The following PRKAR2B variants were observed in gnomAD, a reference collection of about 807,000 sequenced individuals.
The protein encoded by PRKAR2B is cAMP-dependent protein kinase type II-beta regulatory subunit.
PRKAR2B carries 14 observed loss-of-function variants against 49.9 expected under a neutral mutation model. The observed-to-expected ratio is 0.28, with a 90% CI of 0.19 to 0.44. PRKAR2B has a LOEUF of 0.44. Ranked by LOEUF, PRKAR2B falls within the 20% of genes least tolerant of loss-of-function variation. The pLI, the probability that PRKAR2B is intolerant of heterozygous loss-of-function variation, is 1.00. For missense variants in PRKAR2B, 393 were observed against 537.9 expected, an observed-to-expected ratio of 0.73 and a Z score of 2.67; for synonymous variants, 196 against 197.7, an observed-to-expected ratio of 0.99 and a Z score of 0.07.
intron 2 of PRKAR2B, among the ~76,000 whole-genome samples, chr7:107,108,530 C>T (rs1795118241): frequency 6.6e-6 from 1 of 152,178 alleles, no homozygotes; most frequent in African/African-American, 2.4e-5. Flanking sequence ...CTTCTTGGTT[C>T]ACCCAAAAAG....
chr7:107,129,102 A>G (rs1231249625), intron 4 of PRKAR2B: 1 of 152,232 alleles, frequency 6.6e-6, no homozygotes, highest in Non-Finnish European at 1.5e-5. Flanking sequence ...GAGAAGCATT[A>G]AATCAATACC....
chr7:107,142,793 T>C (rs776007902), intron 5 of PRKAR2B, among the ~76,000 whole-genome samples: 11 of 152,114 alleles, frequency 7.2e-5, no homozygotes, highest in Middle Eastern at 3.4e-3. Context: ...TAAACAGTCT[T>C]GCTCTGTTGC....
rs1203521712 is a variant in PRKAR2B at position 107,119,928 on chromosome 7, G to A, written c.344-2024G>A. Among the ~76,000 whole-genome samples, 5 of 152,170 alleles carry A rather than the reference G, an allele frequency of 3.3e-5. No individual in the cohort carries two copies. In the East Asian group the frequency reaches 5.8e-4, roughly 18 times the overall value. On this transcript the variant is annotated intron_variant, in intron 2 of 10. Transcript: ENST00000265717. Reference sequence around the variant, plus strand: ...GAAGGCTGAAGTCCAGGAATTACGCGGGTAAATTCACCAAAGCAGTCATGT... The same window carrying A: ...GAAGGCTGAAGTCCAGGAATTACGCAGGTAAATTCACCAAAGCAGTCATGT...
intron 1 of PRKAR2B, among the ~76,000 whole-genome samples, chr7:107,046,476 A>G (rs1793696467): frequency 6.6e-6 from 1 of 152,240 alleles, no homozygotes; most frequent in Admixed American, 6.5e-5. Context: ...AGTTTCTCCA[A>G]AAGAATCCCA....
rs143475769 is a variant in PRKAR2B, at chr7:107,126,607, C to A, written c.397-1605C>A. On this transcript the variant is annotated intron_variant, in intron 3 of 10. Transcript: ENST00000265717. ...ATGCCTGATGCACTCTCCTCTCCCC[C>A]CTTTCCTTTCTGAGAACAGCTTCTC... Among the ~76,000 whole-genome samples, 13 of 152,116 alleles carry A rather than the reference C, an allele frequency of 8.5e-5. No individual in the cohort carries two copies. In the East Asian group the frequency reaches 1.4e-3, roughly 16 times the overall value.
At chr7:107,104,130 C>T (rs1185235939) in intron 2 of PRKAR2B, among the ~76,000 whole-genome samples, 2 of 152,206 alleles carry the variant, frequency 1.3e-5, no homozygotes, top group Non-Finnish European at 2.9e-5. Flanking sequence ...CTCCTGGGCT[C>T]AAGCAGTTCT....
chr7:107,086,954 A>G (rs1037871587), intron 2 of PRKAR2B, among the ~76,000 whole-genome samples: 11 of 152,192 alleles, frequency 7.2e-5, no homozygotes, highest in African/African-American at 2.7e-4. Context: ...TTTAACACAA[A>G]TTAAAACACT....
At chr7:107,078,211 A>AG (rs1554364703) in intron 2 of PRKAR2B, 4 of 152,326 alleles carry the variant, frequency 2.6e-5, no homozygotes, top group South Asian at 2.1e-4. Context: ...CAAAAAAAAA[A>AG]AAAAAAGAAA....
At position 107,157,171 on chromosome 7, in the gene PRKAR2B, TA is replaced by T; in HGVS notation, c.985-13del. On this transcript the variant is annotated splice_polypyrimidine_tract_variant and intron_variant, in intron 9 of 10. Coordinates refer to ENST00000265717, the MANE Select transcript of PRKAR2B (RefSeq NM_002736.3). ...TAAGCTGAGGAAAAGCTCATCTTTT[TA>T]ATTGCCTTGTCAGGGTAAATCAGAA... 1 of 1,608,672 alleles carries T rather than the reference TA, an allele frequency of 6.2e-7. No individual in the cohort carries two copies. The highest frequency in any genetic ancestry group is 8.5e-7 in the Non-Finnish European group (1 of 1,177,408).
chr7:107,057,515 A>C (rs1485000635), intron 1 of PRKAR2B, among the ~76,000 whole-genome samples: 2 of 152,238 alleles, frequency 1.3e-5, no homozygotes, highest in Non-Finnish European at 1.5e-5. Context: ...TTTAAGAGTA[A>C]TTATGTGAAA....
intron 1 of PRKAR2B, among the ~76,000 whole-genome samples, chr7:107,052,918 C>T (rs1448957295): frequency 6.6e-6 from 1 of 152,186 alleles, no homozygotes; most frequent in Non-Finnish European, 1.5e-5. Flanking sequence ...GCAGCCTCTG[C>T]CTCTGGGTTC....
At chr7:107,092,277 C>CTG (rs34049788) in intron 2 of PRKAR2B, among the ~76,000 whole-genome samples, 13,412 of 146,018 alleles carry the variant, frequency 0.092, 646 homozygotes, top group Middle Eastern at 0.16. Flanking sequence ...GTGCGTGTGT[C>CTG]TGTGTGTGTG....
chr7:107,062,251 A>C (rs1794040225), intron 1 of PRKAR2B, among the ~76,000 whole-genome samples: 1 of 152,232 alleles, frequency 6.6e-6, no homozygotes, highest in African/African-American at 2.4e-5. Flanking sequence ...TATTGTAAAC[A>C]AAATGAAAAG....
chr7:107,059,305 A>G (rs1235099528), intron 1 of PRKAR2B, among the ~76,000 whole-genome samples: 1 of 152,094 alleles, frequency 6.6e-6, no homozygotes, highest in African/African-American at 2.4e-5. Flanking sequence ...TTCTTTTAAA[A>G]TATACCACAT....
In PRKAR2B at chr7:107,045,080, G is replaced by C; in HGVS notation, c.173G>C (p.Trp58Ser). The stretch of plus-strand genomic sequence containing the variant: ...CGCTTCGGCCATGAGGGCAGGACCT[G>C]GGGGGACCTGGGCGCCGCTGCCGGG... ...TARFGHEGRT[W>S]GDLGAAAGGG... The change falls in exon 1 of 11, where the codon TGG (tryptophan) becomes TCG (serine). Residue 58 changes from tryptophan to serine, a missense_variant. Around this residue, in one of 2 missense-constraint regions of PRKAR2B, gnomAD observed 160 missense variants for 147.6 expected, o/e 1.08. Coordinates refer to ENST00000265717, the MANE Select transcript of PRKAR2B (RefSeq NM_002736.3). 2.6e-6 allele frequency: 4 copies of C among 1,535,702 alleles called. No individual in the cohort carries two copies. Among genetic ancestry groups the C allele is most frequent in the Non-Finnish European group, 3.5e-6 (4 of 1,144,650 alleles).
chr7:107,121,223 T>C (rs973179112), intron 2 of PRKAR2B, among the ~76,000 whole-genome samples: 1 of 151,962 alleles, frequency 6.6e-6, no homozygotes, highest in East Asian at 1.9e-4. Context: ...CAAATAACTT[T>C]GGGAATAATG....
chr7:107,151,548 A>G (rs1795987949), intron 7 of PRKAR2B, among the ~76,000 whole-genome samples: 2 of 152,330 alleles, frequency 1.3e-5, no homozygotes, highest in Admixed American at 6.5e-5. Flanking sequence ...CTATGGGGTT[A>G]CCTTACGAAT....
rs537215191 is a variant in PRKAR2B at position 107,075,882 on chromosome 7, A to G, written c.343+5566A>G. On this transcript the variant is annotated intron_variant, in intron 2 of 10. Coordinates refer to ENST00000265717, the MANE Select transcript of PRKAR2B (RefSeq NM_002736.3). ...ATATGGGCATCTTTTTATTGTTTAT[A>G]CATTATAGGTTTTCTAAAAAATTGT... 2.0e-5 allele frequency among the ~76,000 whole-genome samples: 3 copies of G among 152,240 alleles called. No homozygotes were observed. In the South Asian group the frequency reaches 6.2e-4, roughly 32 times the overall value.
At chr7:107,084,114 C>T (rs79092883) in intron 2 of PRKAR2B, among the ~76,000 whole-genome samples, 6,918 of 152,094 alleles carry the variant, frequency 0.045, 210 homozygotes, top group African/African-American at 0.064. Context: ...CACTAAATTC[C>T]AATAAAGCAG....
Sources: gnomAD v4.1 joint callset for allele counts (sites outside exome capture counted in the v4.1 genomes callset) on GRCh38, gnomAD v4.1.1 for gene constraint, gnomAD v4.1.1 regional missense constraint, MANE v1.5 for transcripts, NCBI Gene and HGNC (gene_info 2026-07-23, HGNC 2026-07-21) for gene names.